SPATA13: variants seen among roughly 807,000 people sequenced by gnomAD.
The protein encoded by SPATA13 is spermatogenesis-associated protein 13.
In SPATA13, 50 loss-of-function variants were observed where a neutral mutation model predicts 104.0. The observed-to-expected ratio is 0.48, with a 90% CI of 0.38 to 0.61. The LOEUF (loss-of-function observed/expected upper bound fraction) is 0.61, where lower values mean the gene tolerates loss of function less well. Among genes scored for constraint, SPATA13 ranks in the 20% least tolerant of loss-of-function variants. The pLI is 0.00. For missense variants in SPATA13, 1,524 were observed against 1,690.6 expected (o/e 0.90, Z 1.73); for synonymous variants, 606 against 667.5 (o/e 0.91, Z 1.42).
intron 3 of SPATA13, among the ~76,000 whole-genome samples, chr13:24,036,687 A>C (rs1345674145): frequency 6.6e-6 from 1 of 152,076 alleles, no homozygotes; most frequent in East Asian, 1.9e-4. Context: ...ATCATAGACA[A>C]ATTGCATCTC....
chr13:24,112,579 C>T (rs1880680370), intron 3 of SPATA13, among the ~76,000 whole-genome samples: 2 of 152,108 alleles, frequency 1.3e-5, no homozygotes, highest in African/African-American at 4.8e-5. Flanking sequence ...CACACAAACC[C>T]AGTAAATGTT....
intron 3 of SPATA13, among the ~76,000 whole-genome samples, chr13:24,149,753 G>A (rs1233376608): frequency 1.3e-5 from 2 of 152,224 alleles, no homozygotes; most frequent in Non-Finnish European, 2.9e-5. Context: ...AAGGCCCTGC[G>A]GGGCGGATAG....
At chr13:24,291,568 G>A (rs1876349873) in intron 9 of SPATA13, among the ~76,000 whole-genome samples, 1 of 152,134 alleles carries the variant, frequency 6.6e-6, no homozygotes, top group African/African-American at 2.4e-5. Flanking sequence ...TCTTCTCCCT[G>A]TTCCCTCCTG....
chr13:24,303,004 C>T lies in SPATA13; in HGVS notation c.*231C>T. On this transcript the variant is annotated 3_prime_UTR_variant, in exon 13 of 13. Coordinates refer to ENST00000382108, the MANE Select transcript of SPATA13 (RefSeq NM_001166271.3). Reference sequence around the variant, plus strand: ...AAAGCTTTATCCTACACAGAAACACCCGTGACCCACTATGAGATGGCCCAG... The same window carrying T: ...AAAGCTTTATCCTACACAGAAACACTCGTGACCCACTATGAGATGGCCCAG... 1.7e-6 allele frequency: 1 copy of T among 580,100 alleles called. No homozygotes were observed. The highest frequency in any genetic ancestry group is 3.1e-6 in the Non-Finnish European group (1 of 326,356). 35.9% of individuals were successfully genotyped at this position (580,100 alleles called of 1,614,324 possible). A position where few individuals can be genotyped will look rare whatever the true frequency, so the allele number is the denominator to read the frequency against.
At chr13:24,278,868 T>TTTTC (rs779833805) in intron 4 of SPATA13, 1 of 1,384,168 alleles carries the variant, frequency 7.2e-7, no homozygotes, top group Admixed American at 2.8e-5. Context: ...CACATGCTGT[T>TTTTC]TTTCTTTCCT....
chr13:24,296,506 T>A (rs1390003102), intron 10 of SPATA13, among the ~76,000 whole-genome samples: 1 of 152,250 alleles, frequency 6.6e-6, no homozygotes, highest in Non-Finnish European at 1.5e-5. Context: ...AATTTCTTGC[T>A]GACAATTTAT....
In SPATA13 at chr13:24,286,685, G is replaced by A; in HGVS notation, c.2482-80G>A. 1 of 1,368,868 alleles carries A rather than the reference G, an allele frequency of 7.3e-7. No individual in the cohort carries two copies. The highest frequency in any genetic ancestry group is 1.0e-6 in the Non-Finnish European group (1 of 998,944). The allele number at this position is 1,368,868 out of a possible 1,614,324, so 84.8% of individuals were successfully genotyped here. On this transcript the variant is annotated intron_variant, in intron 6 of 12. Coordinates refer to ENST00000382108, the MANE Select transcript of SPATA13 (RefSeq NM_001166271.3). The surrounding 1 kb of genome is among the most constrained non-coding windows in gnomAD (Gnocchi z 4.9). The stretch of plus-strand genomic sequence containing the variant: ...TTCCTAACAGGTCACAGGAAAGTAG[G>A]AACCTGGGAGGTCTCCTGCCTCTGC...
intron 3 of SPATA13, among the ~76,000 whole-genome samples, chr13:24,048,296 A>G (rs774139714): frequency 7.2e-5 from 11 of 152,234 alleles, no homozygotes; most frequent in Admixed American, 6.5e-5. Flanking sequence ...CATTTTTAGC[A>G]TTACGTTATA....
intron 3 of SPATA13, among the ~76,000 whole-genome samples, chr13:24,093,176 T>TGAGAG (rs1879963020): frequency 6.6e-6 from 1 of 152,238 alleles, no homozygotes; most frequent in Non-Finnish European, 1.5e-5. Context: ...TCAGGCTGCC[T>TGAGAG]GAGAGACATC....
At chr13:24,213,751 T>C (rs779786403) in intron 1 of SPATA13, among the ~76,000 whole-genome samples, 3 of 152,208 alleles carry the variant, frequency 2.0e-5, no homozygotes, top group Non-Finnish European at 4.4e-5. Context: ...TTTAACATAA[T>C]TTGTTTACAT....
chr13:24,240,522 T>A (rs903977858), intron 2 of SPATA13, among the ~76,000 whole-genome samples: 9 of 152,162 alleles, frequency 5.9e-5, no homozygotes, highest in African/African-American at 2.2e-4. Context: ...CAGGACATGG[T>A]CACGGGCTGG....
At chr13:24,169,653 G>A (rs1008101546) in intron 1 of SPATA13, among the ~76,000 whole-genome samples, 10 of 152,154 alleles carry the variant, frequency 6.6e-5, no homozygotes, top group South Asian at 4.1e-4. Context: ...GCCCAGTGTC[G>A]CTTCTCAGCG....
rs527955175 is a variant in SPATA13 at position 24,005,473 on chromosome 13, G to A, written c.-146-12194G>A. Among the ~76,000 whole-genome samples the A allele has an allele frequency of 2.6e-5, 4 of 152,236 alleles. No individual in the cohort carries two copies. The East Asian group carries it at 5.8e-4, about 22-fold the overall frequency. ...CTCATATTTAAGTACGAGAAATGGA[G>A]TGTATGCAGGGAGAAAATGGAAACT... is the stretch of plus-strand genomic sequence containing the variant. On this transcript the variant is annotated intron_variant, in intron 2 of 14. Coordinates refer to the SPATA13 transcript ENST00000424834.
chr13:24,097,187 G>A (rs2137797715), intron 3 of SPATA13, among the ~76,000 whole-genome samples: 1 of 152,298 alleles, frequency 6.6e-6, no homozygotes, highest in Non-Finnish European at 1.5e-5. Flanking sequence ...GGGTGGGTGT[G>A]TGAGGTATTT....
chr13:24,080,116 C>G (rs780356369), intron 3 of SPATA13, among the ~76,000 whole-genome samples: 1 of 152,218 alleles, frequency 6.6e-6, no homozygotes, highest in Non-Finnish European at 1.5e-5. Context: ...GAAATTACTT[C>G]TTGGGTCTTT....
At chr13:24,144,589 T>A (rs1881871269) in intron 3 of SPATA13, among the ~76,000 whole-genome samples, 1 of 152,094 alleles carries the variant, frequency 6.6e-6, no homozygotes, top group African/African-American at 2.4e-5. Context: ...GAGCAGCTCT[T>A]GGGGGCTCTT....
chr13:24,154,800 G>A (rs1882211042), intron 3 of SPATA13, among the ~76,000 whole-genome samples: 1 of 152,216 alleles, frequency 6.6e-6, no homozygotes, highest in Non-Finnish European at 1.5e-5. Context: ...TTGCTCCCAA[G>A]CTCATTCTTA....
chr13:23,986,383 T>G (rs1383184844), intron 2 of SPATA13, among the ~76,000 whole-genome samples: 3 of 152,186 alleles, frequency 2.0e-5, no homozygotes, highest in Non-Finnish European at 4.4e-5. Context: ...CATAAATGCT[T>G]ATCGAGCCAA....
intron 3 of SPATA13, among the ~76,000 whole-genome samples, chr13:24,054,152 T>C (rs1878459394): frequency 1.3e-5 from 2 of 152,130 alleles, no homozygotes; most frequent in Non-Finnish European, 2.9e-5. Flanking sequence ...AAGGACACCA[T>C]GAGAGATCCC....
Sources: gnomAD v4.1 joint callset for allele counts (sites outside exome capture counted in the v4.1 genomes callset) on GRCh38, gnomAD v4.1.1 for gene constraint, Gnocchi (gnomAD v3.1) non-coding constraint, MANE v1.5 for transcripts, NCBI Gene and HGNC (gene_info 2026-07-23, HGNC 2026-07-21) for gene names.